AKAP11: variants seen among roughly 807,000 people sequenced by gnomAD.
AKAP11 encodes the protein A-kinase anchor protein 11.
Under a neutral mutation model 146.1 loss-of-function variants are expected in AKAP11, and 36 were observed. The ratio of observed to expected loss-of-function variants is 0.25; its 90% confidence interval spans 0.19 to 0.33. The LOEUF is 0.33. AKAP11 is among the 10% of genes least tolerant of loss of function. The pLI is 1.00. For synonymous variants in AKAP11, 780 were observed against 786.5 expected (o/e 0.99, Z 0.14); for missense variants, 2,201 against 2,197.0 (o/e 1.00, Z -0.04).
Position 42,301,285 on chromosome 13 carries a change from C to G in AKAP11, c.2539C>G (p.Gln847Glu). ...ACCTTCAGAACACAATCCAGGTAAT[C>G]AGAATGATTTTAAACCAACTAATGA... ...CLPSEHNPGNQNDFKPTNDDI... is the reference protein window; with the variant it reads ...CLPSEHNPGNENDFKPTNDDI... The change falls in exon 8 of 13, where the codon CAG becomes GAG. Residue 847 changes from glutamine (Q) to glutamate (E), a missense_variant. This residue lies in a region of AKAP11 where 1,867 missense variants were observed against 1,833.5 expected (regional missense o/e 1.02). Coordinates refer to ENST00000025301, the MANE Select transcript of AKAP11 (RefSeq NM_016248.4). 1 of 1,613,732 alleles carries G rather than the reference C, an allele frequency of 6.2e-7. No homozygotes were observed. The highest frequency in any genetic ancestry group is 8.5e-7 in the Non-Finnish European group (1 of 1,179,880).
chr13:42,314,298 A>G, intron 11 of AKAP11, among the ~76,000 whole-genome samples: 1 of 152,052 alleles, frequency 6.6e-6, no homozygotes, highest in Non-Finnish European at 1.5e-5. Context: ...TGCAAAAATT[A>G]GCTGGGCGTG....
intron 8 of AKAP11, 152 bp from the exon 9 acceptor site, chr13:42,308,302 G>T (rs1960378881): frequency 1.7e-6 from 1 of 595,308 alleles, no homozygotes; most frequent in Non-Finnish European, 2.8e-6. Flanking sequence ...CTGTTTGTTG[G>T]CAGACTCAAA....
Position 42,301,424 on chromosome 13 carries a change from C to T in AKAP11, c.2678C>T (p.Ser893Leu). Residue 893 changes from serine to leucine, a missense_variant, in exon 8 of 13, where the codon TCA becomes TTA. Transcript: ENST00000025301. ...IVNETLESMTSLEVTKMVDER... is the reference protein window; with the variant it reads ...IVNETLESMTLLEVTKMVDER... ...AATGAAACTTTAGAGTCAATGACAT[C>T]ATTGGAAGTTACAAAAATGGTTGAT... 6.2e-7 allele frequency: 1 copy of T among 1,613,204 alleles called. No homozygotes were observed. Among genetic ancestry groups the T allele is most frequent in the Non-Finnish European group, 8.5e-7 (1 of 1,179,762 alleles).
chr13:42,314,800 C>T (rs1394322615), intron 11 of AKAP11, among the ~76,000 whole-genome samples: 3 of 152,004 alleles, frequency 2.0e-5, no homozygotes, highest in Non-Finnish European at 2.9e-5. Context: ...CAGATCCTTC[C>T]TTAATGAACA....
At position 42,322,163 on chromosome 13, in the gene AKAP11, A is replaced by G. The variant is rs1961113304; in HGVS notation, c.*2935A>G. The G allele has an allele frequency of 6.6e-6, 1 of 152,298 alleles. No individual in the cohort carries two copies. Among genetic ancestry groups the G allele is most frequent in the Non-Finnish European group, 1.5e-5 (1 of 67,986 alleles). The allele number at this position is 152,298 out of a possible 1,614,324, so 9.4% of individuals were successfully genotyped here. A position where few individuals can be genotyped will look rare whatever the true frequency, so the allele number is the denominator to read the frequency against. On this transcript the variant is annotated 3_prime_UTR_variant, in exon 13 of 13. Transcript: ENST00000025301. Reference sequence around the variant, plus strand: ...CTTTAAGAGGATTCATGGTGAATATATGTGATAACATCTTTATACTTTGAA... The same window carrying G: ...CTTTAAGAGGATTCATGGTGAATATGTGTGATAACATCTTTATACTTTGAA...
At chr13:42,272,557 G>C (rs1756982991) in intron 1 of AKAP11, among the ~76,000 whole-genome samples, 1 of 152,172 alleles carries the variant, frequency 6.6e-6, no homozygotes, top group South Asian at 2.1e-4. Flanking sequence ...TTCCATCCCC[G>C]GGGTGGTCTT....
Position 42,302,459 on chromosome 13 carries a change from A to G in AKAP11, c.3713A>G (p.Gln1238Arg). 1 of 1,614,200 alleles carries G rather than the reference A, an allele frequency of 6.2e-7. No individual in the cohort carries two copies. The highest frequency in any genetic ancestry group is 8.5e-7 in the Non-Finnish European group (1 of 1,180,006). ...AACCCTTGCTTAAATGTGCAAAGTC[A>G]AAGAAGTGTGTCGCCTACTTTTTTA... Reference protein sequence around the residue: ...VKNPCLNVQSQRSVSPTFLNP... With the variant: ...VKNPCLNVQSRRSVSPTFLNP... The change falls in exon 8 of 13, where the codon CAA becomes CGA. Residue 1238 changes from glutamine (Q) to arginine (R), a missense_variant. Coordinates refer to ENST00000025301, the MANE Select transcript of AKAP11 (RefSeq NM_016248.4).
intron 1 of AKAP11, among the ~76,000 whole-genome samples, chr13:42,285,202 C>T (rs1341503077): frequency 6.6e-6 from 1 of 152,088 alleles, no homozygotes; most frequent in African/African-American, 2.4e-5. Context: ...CTAAGCAATT[C>T]ATTTTTTGTC....
In AKAP11 at chr13:42,301,673, A is replaced by G. The variant is rs902239396; in HGVS notation, c.2927A>G (p.Glu976Gly). 1.2e-6 allele frequency: 2 copies of G among 1,614,150 alleles called. No homozygotes were observed. The highest frequency in any genetic ancestry group is 1.1e-5 in the South Asian group (1 of 91,078). ...VYKESLPVSG[E>G]ESQLTPEKSP... ...AAGGAAAGCTTGCCTGTTTCTGGAGAAGAATCACAGTTGACACCAGAAAAG... is the reference window on the plus strand; with the variant it reads ...AAGGAAAGCTTGCCTGTTTCTGGAGGAGAATCACAGTTGACACCAGAAAAG... The change falls in exon 8 of 13, where the codon GAA (glutamate) becomes GGA (glycine). Residue 976 changes from glutamate to glycine, a missense_variant. Physicochemically the swap from Glu to Gly is moderately conservative, Grantham distance 98 (BLOSUM62 -2). This residue lies in a region of AKAP11 where 1,867 missense variants were observed against 1,833.5 expected (regional missense o/e 1.02). Coordinates refer to ENST00000025301, the MANE Select transcript of AKAP11 (RefSeq NM_016248.4).
intron 12 of AKAP11, 109 bp downstream of exon 12, chr13:42,317,797 A>G (rs377068707): frequency 8.0e-7 from 1 of 1,257,142 alleles, no homozygotes; most frequent in East Asian, 2.5e-5. Flanking sequence ...CTTAGGCTGT[A>G]GTGTCCAACA....
rs775872442 is a variant in AKAP11, at chr13:42,301,691, C to T, written c.2945C>T (p.Pro982Leu). The T allele has an allele frequency of 5.6e-6, 9 of 1,613,982 alleles. No homozygotes were observed. The Admixed American group carries it at 1.5e-4, about 27-fold the overall frequency. ...PVSGEESQLT[P>L]EKSPKFPDSQ... Reference sequence around the variant, plus strand: ...TCTGGAGAAGAATCACAGTTGACACCAGAAAAGTCTCCCAAATTTCCTGAC... The same window carrying T: ...TCTGGAGAAGAATCACAGTTGACACTAGAAAAGTCTCCCAAATTTCCTGAC... Residue 982 changes from proline to leucine, a missense_variant, in exon 8 of 13, where the codon CCA becomes CTA. Pro to Leu is a moderately conservative substitution (Grantham distance 98). This residue lies in a region of AKAP11 where 1,867 missense variants were observed against 1,833.5 expected (regional missense o/e 1.02). Coordinates refer to ENST00000025301, the MANE Select transcript of AKAP11 (RefSeq NM_016248.4).
intron 3 of AKAP11, among the ~76,000 whole-genome samples, chr13:42,290,214 T>C (rs2138507011): frequency 6.6e-6 from 1 of 152,196 alleles, no homozygotes; most frequent in Middle Eastern, 3.4e-3. Flanking sequence ...TTCTGAAGAG[T>C]CTAGGCCAGT....
intron 1 of AKAP11, among the ~76,000 whole-genome samples, chr13:42,283,368 T>G (rs1959103264): frequency 6.6e-6 from 1 of 152,218 alleles, no homozygotes; most frequent in South Asian, 2.1e-4. Context: ...CTCAGGGGCA[T>G]GATTATATTT....
chr13:42,301,718 CTCAGAA>C lies in AKAP11; in HGVS notation c.2977_2982del (p.Asn993_Gln994del). 6.2e-7 allele frequency: 1 copy of C among 1,614,140 alleles called. No homozygotes were observed. The highest frequency in any genetic ancestry group is 8.5e-7 in the Non-Finnish European group (1 of 1,180,008). On this transcript the variant is annotated inframe_deletion, in exon 8 of 13. Coordinates refer to ENST00000025301, the MANE Select transcript of AKAP11 (RefSeq NM_016248.4). ...GAAAAGTCTCCCAAATTTCCTGACT[CTCAGAA>C]TCAGTTAACTCACTGCTCACTTTCA...
In AKAP11 at chr13:42,295,680, T is replaced by TTG. The variant is rs1959469940; in HGVS notation, c.169-13_169-12dup. The TTG allele has an allele frequency of 6.2e-7, 1 of 1,611,190 alleles. No homozygotes were observed. Among genetic ancestry groups the TTG allele is most frequent in the South Asian group, 1.1e-5 (1 of 90,926 alleles). On this transcript the variant is annotated splice_polypyrimidine_tract_variant and intron_variant, in intron 4 of 12. Transcript: ENST00000025301. ...AAAATTCAAATTAATGGAGGTTTAT[T>TTG]TGTTCTTTACTCAGGTCACATTTCT...
chr13:42,317,540 A>G lies in AKAP11; in HGVS notation c.5417A>G (p.Asp1806Gly). The change falls in exon 12 of 13, where the codon GAT (aspartate) becomes GGT (glycine). Residue 1806 changes from aspartate (D) to glycine (G), a missense_variant. Coordinates refer to ENST00000025301, the MANE Select transcript of AKAP11 (RefSeq NM_016248.4). ...HEDEVEGLGQ[D>G]GKTLLITNID... The stretch of plus-strand genomic sequence containing the variant: ...ATTTAAATATTAGGTTTGGGGCAAG[A>G]TGGAAAGACACTGCTAATTACGAAT... The G allele has an allele frequency of 6.2e-7, 1 of 1,613,352 alleles. No individual in the cohort carries two copies. The highest frequency in any genetic ancestry group is 1.1e-5 in the South Asian group (1 of 90,868).
chr13:42,283,273 A>C (rs1036883298), intron 1 of AKAP11, among the ~76,000 whole-genome samples: 5 of 152,230 alleles, frequency 3.3e-5, no homozygotes, highest in Non-Finnish European at 7.3e-5. Context: ...TTCTTCCATG[A>C]GTGAAACAGA....
At position 42,301,157 on chromosome 13, in the gene AKAP11, A is replaced by T. The variant is rs535492515; in HGVS notation, c.2411A>T (p.His804Leu). The part of the protein sequence containing the change: ...ISSTACQAKA[H>L]LSSDDSNSNG... ...TCTACTGCATGTCAGGCCAAGGCTC[A>T]TCTGTCATCTGATGATAGTAATTCA... The change falls in exon 8 of 13, where the codon CAT becomes CTT. Residue 804 changes from histidine (H) to leucine (L), a missense_variant. His to Leu is a moderately conservative substitution (Grantham distance 99). Around this residue, in one of 3 missense-constraint regions of AKAP11, gnomAD observed 1,867 missense variants for 1,833.5 expected, o/e 1.02. Transcript: ENST00000025301. The T allele has an allele frequency of 1.2e-6, 2 of 1,614,140 alleles. No individual in the cohort carries two copies. Among genetic ancestry groups the T allele is most frequent in the Non-Finnish European group, 1.7e-6 (2 of 1,179,978 alleles).
In AKAP11 at chr13:42,308,467, G is replaced by A; in HGVS notation, c.5131G>A (p.Glu1711Lys). The A allele has an allele frequency of 1.3e-6, 2 of 1,585,464 alleles. No homozygotes were observed. Among genetic ancestry groups the A allele is most frequent in the Non-Finnish European group, 1.7e-6 (2 of 1,164,460 alleles). Residue 1711 changes from glutamate to lysine, a missense_variant, in exon 9 of 13, where the codon GAA (glutamate) becomes AAA (lysine). Coordinates refer to ENST00000025301, the MANE Select transcript of AKAP11 (RefSeq NM_016248.4). The stretch of plus-strand genomic sequence containing the variant: ...TCTTCTTTTTAGTTCAAAAGAAATA[G>A]AAGACTTTCAGTCAACCGAGTCTGT... ...GHAVSSSKEIEDFQSTESVSS... is the reference protein window; with the variant it reads ...GHAVSSSKEIKDFQSTESVSS...
Sources: gnomAD v4.1 joint callset for allele counts (sites outside exome capture counted in the v4.1 genomes callset) on GRCh38, gnomAD v4.1.1 for gene constraint, gnomAD v4.1.1 regional missense constraint, MANE v1.5 for transcripts, NCBI Gene and HGNC (gene_info 2026-07-23, HGNC 2026-07-21) for gene names.